The following PCDHGA5 variants were observed in gnomAD, a reference collection of about 807,000 sequenced individuals.
PCDHGA5 encodes the protein protocadherin gamma-A5.
PCDHGA5 carries 36 observed loss-of-function variants against 56.7 expected under a neutral mutation model. That is an observed-to-expected ratio of 0.64 (90% confidence interval 0.49 to 0.84). The LOEUF is 0.84. Ranked by LOEUF, PCDHGA5 falls within the 40% of genes least tolerant of loss-of-function variation. The pLI, the probability that PCDHGA5 is intolerant of heterozygous loss-of-function variation, is 0.00. For missense variants in PCDHGA5, 1,305 were observed against 1,201.5 expected, an observed-to-expected ratio of 1.09 and a Z score of -1.27; for synonymous variants, 563 against 520.2, an observed-to-expected ratio of 1.08 and a Z score of -1.12.
intron 1 of PCDHGA5, among the ~76,000 whole-genome samples, chr5:141,387,106 A>G (rs2090822229): frequency 6.6e-6 from 1 of 152,238 alleles, no homozygotes; most frequent in African/African-American, 2.4e-5. Context: ...GAATCACATA[A>G]TATTCCTGTA....
intron 1 of PCDHGA5, chr5:141,404,707 C>T: frequency 6.2e-7 from 1 of 1,614,122 alleles, no homozygotes; most frequent in Non-Finnish European, 8.5e-7. Flanking sequence ...CAGAGCCTGG[C>T]TACCTGGTGA....
In PCDHGA5 at chr5:141,476,850, A is replaced by G. The variant is rs747333239; in HGVS notation, c.2422-17957A>G. The G allele has an allele frequency of 1.2e-6, 2 of 1,613,836 alleles. No individual in the cohort carries two copies. Among genetic ancestry groups the G allele is most frequent in the Admixed American group, 3.3e-5 (2 of 60,030 alleles). ...GCGAATGACAATGCGCCTGTCTTCA[A>G]CCAGTCCTTGTACCGGGCGCGCGTC... is the stretch of plus-strand genomic sequence containing the variant. On this transcript the variant is annotated intron_variant, in intron 1 of 3. Transcript: ENST00000518069. The surrounding 1 kb of genome is among the most constrained non-coding windows in gnomAD (Gnocchi z 7.6).
rs768847018 is a variant in PCDHGA5 at position 141,431,426 on chromosome 5, A to C, written c.2422-63381A>C. On this transcript the variant is annotated intron_variant, in intron 1 of 3. Transcript: ENST00000518069. The surrounding 1 kb of genome is among the most constrained non-coding windows in gnomAD (Gnocchi z 4.8). ...CTCCGACGGGGGCGACCCGGTGCGCACAGGCACCGCGCGCATCCGCGTGAT... is the reference window on the plus strand; with the variant it reads ...CTCCGACGGGGGCGACCCGGTGCGCCCAGGCACCGCGCGCATCCGCGTGAT... 6.2e-7 allele frequency: 1 copy of C among 1,613,666 alleles called. No individual in the cohort carries two copies. The highest frequency in any genetic ancestry group is 1.1e-5 in the South Asian group (1 of 91,078).
At chr5:141,473,779 T>C (rs2099328680) in intron 1 of PCDHGA5, among the ~76,000 whole-genome samples, 1 of 152,204 alleles carries the variant, frequency 6.6e-6, no homozygotes, top group Non-Finnish European at 1.5e-5. Context: ...GGTATTTTAA[T>C]TCAAGAGCAG....
chr5:141,490,561 A>G lies in PCDHGA5; in HGVS notation c.2422-4246A>G. On this transcript the variant is annotated intron_variant, in intron 1 of 3. Coordinates refer to ENST00000518069, the MANE Select transcript of PCDHGA5 (RefSeq NM_018918.3). This position sits in a 1 kb window ranked among gnomAD's most constrained non-coding sequence, Gnocchi z 5.4. Reference sequence around the variant, plus strand: ...TTCCCTACACAAACATCTCACCATCAGGCTCAACATTTCAGATGTCAATGA... The same window carrying G: ...TTCCCTACACAAACATCTCACCATCGGGCTCAACATTTCAGATGTCAATGA... 6.2e-7 allele frequency: 1 copy of G among 1,614,090 alleles called. No individual in the cohort carries two copies. The highest frequency in any genetic ancestry group is 8.5e-7 in the Non-Finnish European group (1 of 1,180,004).
At chr5:141,453,919 C>T (rs142719452) in intron 1 of PCDHGA5, among the ~76,000 whole-genome samples, 2 of 152,318 alleles carry the variant, frequency 1.3e-5, no homozygotes, top group African/African-American at 4.8e-5. Flanking sequence ...TGTCAGTGAT[C>T]AGTCACTGTG....
intron 1 of PCDHGA5, chr5:141,415,974 CAA>C (rs1192315813): frequency 2.7e-6 from 1 of 375,644 alleles, no homozygotes; most frequent in Non-Finnish European, 4.4e-6. Context: ...GCCCCTTAAG[CAA>C]CCCTCTTGTT....
At chr5:141,388,880 G>A (rs1426155590) in intron 1 of PCDHGA5, 1 of 1,613,982 alleles carries the variant, frequency 6.2e-7, no homozygotes, top group Non-Finnish European at 8.5e-7. Flanking sequence ...GCACAGTGGA[G>A]GTAGAAGTCA....
Position 141,505,350 on chromosome 5 carries a change from G to A in PCDHGA5, c.2481-43G>A, listed in dbSNP as rs367663588. ...AGAGGACAGGAGGGGCATGAGCTGT[G>A]CCGGCCTGGGAGTCTGTGCTCACCA... On this transcript the variant is annotated intron_variant, in intron 2 of 3. Transcript: ENST00000518069. The A allele has an allele frequency of 4.3e-6, 7 of 1,613,264 alleles. No homozygotes were observed. In the African/African-American group the frequency reaches 6.7e-5, roughly 15 times the overall value.
intron 1 of PCDHGA5, chr5:141,394,024 T>C (rs778553318): frequency 6.2e-7 from 1 of 1,613,530 alleles, no homozygotes; most frequent in Non-Finnish European, 8.5e-7. Flanking sequence ...TATTATAGAT[T>C]AGTGACAAGG....
Position 141,418,145 on chromosome 5 carries a change from T to C in PCDHGA5, c.2421+51394T>C, listed in dbSNP as rs1329322927. On this transcript the variant is annotated intron_variant, in intron 1 of 3. Coordinates refer to ENST00000518069, the MANE Select transcript of PCDHGA5 (RefSeq NM_018918.3). ...GGACCGAATAGACCGTGAGCAAATATGCAAAGAGAGAAGAAGATGTGAGTT... is the reference window on the plus strand; with the variant it reads ...GGACCGAATAGACCGTGAGCAAATACGCAAAGAGAGAAGAAGATGTGAGTT... The C allele has an allele frequency of 5.6e-6, 9 of 1,613,934 alleles. No homozygotes were observed. In the African/African-American group the frequency reaches 8.0e-5, roughly 14 times the overall value.
chr5:141,417,939 C>T, intron 1 of PCDHGA5: 1 of 1,612,862 alleles, frequency 6.2e-7, no homozygotes, highest in Non-Finnish European at 8.5e-7. Context: ...TTGTTCTACC[C>T]CACGCTGTGT....
At chr5:141,423,644 A>G in intron 1 of PCDHGA5, 1 of 1,592,866 alleles carries the variant, frequency 6.3e-7, no homozygotes, top group South Asian at 1.1e-5. Context: ...GGCAAATGTG[A>G]CCCGACAAGT....
chr5:141,422,594 C>G, intron 1 of PCDHGA5: 1 of 1,614,090 alleles, frequency 6.2e-7, no homozygotes, highest in Non-Finnish European at 8.5e-7. Flanking sequence ...TTTCCTCACT[C>G]CTCTTACTCT....
At chr5:141,441,793 C>T (rs961624726) in intron 1 of PCDHGA5, 7 of 391,390 alleles carry the variant, frequency 1.8e-5, no homozygotes, top group Non-Finnish European at 3.6e-5. Flanking sequence ...AATGACAACG[C>T]ACCGCGGGTG....
At chr5:141,383,600 A>G (rs1429825116) in intron 1 of PCDHGA5, 2 of 1,613,728 alleles carry the variant, frequency 1.2e-6, no homozygotes, top group South Asian at 2.2e-5. Flanking sequence ...ACAGTGGTGG[A>G]TGTGAATGAC....
rs544291535 is a variant in PCDHGA5 at position 141,433,938 on chromosome 5, C to T, written c.2422-60869C>T. 4.6e-5 allele frequency among the ~76,000 whole-genome samples: 7 copies of T among 151,784 alleles called. No homozygotes were observed. The South Asian group carries it at 1.3e-3, about 27-fold the overall frequency. On this transcript the variant is annotated intron_variant, in intron 1 of 3. Coordinates refer to ENST00000518069, the MANE Select transcript of PCDHGA5 (RefSeq NM_018918.3). ...CCTCCAAATGAAGATTTTATAATTCCATTGTTTCTTCTACAGTTGTTAATT... is the reference window on the plus strand; with the variant it reads ...CCTCCAAATGAAGATTTTATAATTCTATTGTTTCTTCTACAGTTGTTAATT...
chr5:141,443,064 G>A (rs76234738), intron 1 of PCDHGA5, among the ~76,000 whole-genome samples: 48 of 152,264 alleles, frequency 3.2e-4, no homozygotes, highest in African/African-American at 1.1e-3. Context: ...ACTGAAGAGC[G>A]TCTTATGACT....
chr5:141,365,907 G>A lies in PCDHGA5; in HGVS notation c.1577G>A (p.Arg526Lys). The A allele has an allele frequency of 6.2e-7, 1 of 1,614,196 alleles. No homozygotes were observed. Among genetic ancestry groups the A allele is most frequent in the Non-Finnish European group, 8.5e-7 (1 of 1,180,032 alleles). Residue 526 changes from arginine (R) to lysine (K), a missense_variant, in exon 1 of 4, where the codon AGA becomes AAA. Arg to Lys is a conservative substitution (Grantham distance 26, BLOSUM62 2). Transcript: ENST00000518069. ...AGATCCTTCGACTATGAGCAGTTGA[G>A]AGACCTACAGTTGTGGGTGACAGCC... is the stretch of plus-strand genomic sequence containing the variant. ...ALRSFDYEQLRDLQLWVTASD... is the reference protein window; with the variant it reads ...ALRSFDYEQLKDLQLWVTASD...
Sources: allele counts gnomAD v4.1 joint callset (sites outside exome capture counted in the v4.1 genomes callset), GRCh38; gene constraint gnomAD v4.1.1; non-coding constraint Gnocchi (gnomAD v3.1); transcripts MANE v1.5; gene names NCBI Gene and HGNC (gene_info 2026-07-23, HGNC 2026-07-21).